The following ZMYM4 variants were observed in gnomAD, a reference collection of about 807,000 sequenced individuals.
ZMYM4 encodes the protein zinc finger MYM-type containing 4.
A neutral mutation model predicts 183.2 loss-of-function variants in ZMYM4; 31 were observed. The ratio of observed to expected loss-of-function variants is 0.17; its 90% CI spans 0.13 to 0.23. The LOEUF is 0.23. Among genes scored for constraint, ZMYM4 ranks in the 10% least tolerant of loss-of-function variants. ZMYM4 has a pLI of 1.00. For synonymous variants in ZMYM4, 592 were observed against 631.2 expected (o/e 0.94, Z 0.93); for missense variants, 1,273 against 1,840.3 (o/e 0.69, Z 5.64).
intron 1 of ZMYM4, among the ~76,000 whole-genome samples, chr1:35,271,358 T>C (rs1022384640): frequency 7.1e-6 from 1 of 140,618 alleles, no homozygotes; most frequent in Non-Finnish European, 1.5e-5. Context: ...AAAGGAATGC[T>C]GGAAAAAAAA....
intron 27 of ZMYM4, 84 bp from the exon 28 acceptor site, chr1:35,415,382 C>A: frequency 6.5e-7 from 1 of 1,546,952 alleles, no homozygotes; most frequent in South Asian, 1.2e-5. Flanking sequence ...CTCTTTATAT[C>A]TCCCTGTCTT....
chr1:35,338,212 G>C (rs1409552848), intron 2 of ZMYM4, among the ~76,000 whole-genome samples: 2 of 152,162 alleles, frequency 1.3e-5, no homozygotes, highest in Non-Finnish European at 2.9e-5. Flanking sequence ...GATTGCTCAG[G>C]CCTAGGCAGG....
intron 2 of ZMYM4, among the ~76,000 whole-genome samples, chr1:35,327,295 A>C (rs554624474): frequency 2.6e-5 from 4 of 152,362 alleles, no homozygotes; most frequent in African/African-American, 9.6e-5. Flanking sequence ...TATTAAGAAC[A>C]TTGAATATGT....
intron 5 of ZMYM4, among the ~76,000 whole-genome samples, chr1:35,363,203 C>CT (rs1643985912): frequency 6.6e-6 from 1 of 152,082 alleles, no homozygotes; most frequent in Non-Finnish European, 1.5e-5. Flanking sequence ...TTGTCTCTAA[C>CT]TTCTGTGCTC....
At chr1:35,330,081 GGTGCATGCCTGTA>G (rs1248885299) in intron 2 of ZMYM4, among the ~76,000 whole-genome samples, 1 of 151,944 alleles carries the variant, frequency 6.6e-6, no homozygotes, top group African/African-American at 2.4e-5. Flanking sequence ...TGAATGTGGT[GGTGCATGCCTGTA>G]GTCCCAGCTG....
intron 26 of ZMYM4, among the ~76,000 whole-genome samples, chr1:35,409,657 C>A (rs928558440): frequency 2.6e-5 from 4 of 151,870 alleles, no homozygotes; most frequent in Admixed American, 2.0e-4. Flanking sequence ...TAAAGAAATT[C>A]TTGGCTGGGT....
In ZMYM4 at chr1:35,405,075, C is replaced by A. The variant is rs749431313; in HGVS notation, c.3581C>A (p.Ala1194Asp). ...GAGCCCAGGAGTCTTATTCAAGGAGCCTTTCAAGGCTGCTCAGTGTCCGGG... is the reference window on the plus strand; with the variant it reads ...GAGCCCAGGAGTCTTATTCAAGGAGACTTTCAAGGCTGCTCAGTGTCCGGG... The part of the protein sequence containing the change: ...AVEPRSLIQG[A>D]FQGCSVSGMT... Residue 1194 changes from alanine to aspartate, a missense_variant, in exon 24 of 30, where the codon GCC becomes GAC. Transcript: ENST00000314607. 6.2e-7 allele frequency: 1 copy of A among 1,613,822 alleles called. No homozygotes were observed. The highest frequency in any genetic ancestry group is 1.7e-5 in the Admixed American group (1 of 59,984).
At chr1:35,285,899 A>G (rs1640458971) in intron 1 of ZMYM4, among the ~76,000 whole-genome samples, 2 of 152,176 alleles carry the variant, frequency 1.3e-5, no homozygotes, top group Non-Finnish European at 2.9e-5. Context: ...TTTCCTCAAC[A>G]TGATAAAGGC....
chr1:35,310,902 C>G (rs769592841), intron 1 of ZMYM4, among the ~76,000 whole-genome samples: 87 of 151,988 alleles, frequency 5.7e-4, no homozygotes, highest in Non-Finnish European at 9.9e-4. Context: ...CTAATTCACA[C>G]GAGTATGAAA....
intron 1 of ZMYM4, among the ~76,000 whole-genome samples, chr1:35,319,657 G>A (rs1642202080): frequency 6.6e-6 from 1 of 151,924 alleles, no homozygotes; most frequent in Non-Finnish European, 1.5e-5. Context: ...CTCACATTGA[G>A]AAACTTGAAA....
At chr1:35,325,796 T>G (rs1301726680) in intron 2 of ZMYM4, among the ~76,000 whole-genome samples, 1 of 152,128 alleles carries the variant, frequency 6.6e-6, no homozygotes, top group East Asian at 1.9e-4. Context: ...ACATTCAATT[T>G]TACAATACAG....
intron 1 of ZMYM4, among the ~76,000 whole-genome samples, chr1:35,272,939 C>T (rs1639691296): frequency 6.6e-6 from 1 of 152,152 alleles, no homozygotes; most frequent in African/African-American, 2.4e-5. Flanking sequence ...TGGTCTCGAT[C>T]TCCTGACCTC....
intron 1 of ZMYM4, among the ~76,000 whole-genome samples, chr1:35,313,376 T>C (rs1641888952): frequency 1.2e-5 from 1 of 84,610 alleles, no homozygotes; most frequent in Non-Finnish European, 3.3e-5. Flanking sequence ...CTGTCACTTT[T>C]TCTTTTTCTT....
intron 2 of ZMYM4, among the ~76,000 whole-genome samples, chr1:35,352,281 A>G (rs998351618): frequency 1.5e-4 from 22 of 142,634 alleles, no homozygotes; most frequent in East Asian, 1.0e-3. Context: ...ACACACACAC[A>G]CACACACACA....
intron 1 of ZMYM4, among the ~76,000 whole-genome samples, chr1:35,295,445 C>T (rs1640959803): frequency 1.3e-5 from 2 of 152,136 alleles, no homozygotes; most frequent in South Asian, 4.1e-4. Flanking sequence ...TAGATGAGAT[C>T]AGGGGAATAA....
chr1:35,382,173 TAC>T (rs1644473678), intron 9 of ZMYM4, among the ~76,000 whole-genome samples: 1 of 121,148 alleles, frequency 8.3e-6, no homozygotes, highest in Admixed American at 8.8e-5. Context: ...AATGTATATA[TAC>T]ACACATACAC....
At chr1:35,392,482 C>T in intron 16 of ZMYM4, 130 bp downstream of exon 16, 1 of 1,326,890 alleles carries the variant, frequency 7.5e-7, no homozygotes. Context: ...GCTTGCTGCA[C>T]AAGTTTCATA....
chr1:35,334,363 G>A (rs555507881), intron 2 of ZMYM4, among the ~76,000 whole-genome samples: 1 of 152,208 alleles, frequency 6.6e-6, no homozygotes, highest in East Asian at 1.9e-4. Context: ...TCCACCAGCA[G>A]TGTAGTAAGA....
chr1:35,305,338 T>C (rs1335638808), intron 1 of ZMYM4, among the ~76,000 whole-genome samples: 1 of 152,230 alleles, frequency 6.6e-6, no homozygotes, highest in Admixed American at 6.5e-5. Flanking sequence ...GTTCTGTTTT[T>C]TGCTTCATGT....
Sources: allele counts gnomAD v4.1 joint callset (sites outside exome capture counted in the v4.1 genomes callset), GRCh38; gene constraint gnomAD v4.1.1; transcripts MANE v1.5; gene names NCBI Gene and HGNC (gene_info 2026-07-23, HGNC 2026-07-21).